GRIA4: variants seen among roughly 807,000 people sequenced by gnomAD.
The protein encoded by GRIA4 is glutamate receptor 4.
GRIA4 carries 34 observed loss-of-function variants against 104.0 expected under a neutral mutation model. That is an observed-to-expected ratio of 0.33 (90% CI 0.25 to 0.44). The LOEUF (loss-of-function observed/expected upper bound fraction) is 0.44, where lower values mean the gene tolerates loss of function less well. Among genes scored for constraint, GRIA4 ranks in the 20% least tolerant of loss-of-function variants. The pLI is 1.00. For missense variants in GRIA4, 750 were observed against 1,096.5 expected (o/e 0.68, Z 4.46); for synonymous variants, 386 against 381.9 (o/e 1.01, Z -0.13).
chr11:105,881,575 T>G (rs1042856395), intron 5 of GRIA4, among the ~76,000 whole-genome samples: 1 of 152,150 alleles, frequency 6.6e-6, no homozygotes, highest in Non-Finnish European at 1.5e-5. Flanking sequence ...AGATCACTAC[T>G]TTGAGAGGCA....
intron 4 of GRIA4, among the ~76,000 whole-genome samples, chr11:105,775,830 C>T (rs1941423068): frequency 6.6e-6 from 1 of 151,734 alleles, no homozygotes; most frequent in Admixed American, 6.6e-5. Flanking sequence ...AAATAAGTCC[C>T]CTCAAATATC....
At chr11:105,798,122 G>A (rs761894083) in intron 4 of GRIA4, among the ~76,000 whole-genome samples, 1 of 151,648 alleles carries the variant, frequency 6.6e-6, no homozygotes, top group Non-Finnish European at 1.5e-5. Flanking sequence ...ACATGCACAA[G>A]ACAACACTTC....
rs140414496 is a variant in GRIA4 at position 105,881,141 on chromosome 11, A to G, written c.673-6378A>G. Among the ~76,000 whole-genome samples, 436 of 152,282 alleles carry G rather than the reference A, an allele frequency of 2.9e-3. 3 individuals carry two copies. Among genetic ancestry groups the G allele is most frequent in the African/African-American group, 9.9e-3 (412 of 41,564 alleles). On this transcript the variant is annotated intron_variant, in intron 5 of 16. Coordinates refer to ENST00000282499, the MANE Select transcript of GRIA4 (RefSeq NM_000829.4). ...ATTCCATTTGGAATGAGTGTAAACT[A>G]ATTACTGGAGGAGGCTAGTGTAGAA... is the stretch of plus-strand genomic sequence containing the variant.
chr11:105,641,929 G>A (rs539690533), intron 3 of GRIA4, among the ~76,000 whole-genome samples: 50 of 152,254 alleles, frequency 3.3e-4, no homozygotes, highest in South Asian at 1.0e-3. Flanking sequence ...TCTGGAGGCC[G>A]AAAGTCTGAG....
At chr11:105,871,400 T>C (rs1292339941) in intron 5 of GRIA4, among the ~76,000 whole-genome samples, 1 of 151,752 alleles carries the variant, frequency 6.6e-6, no homozygotes, top group Non-Finnish European at 1.5e-5. Flanking sequence ...AAAAATTACA[T>C]ACCCACAGCA....
At chr11:105,760,471 G>T (rs943132004) in intron 4 of GRIA4, among the ~76,000 whole-genome samples, 2 of 152,056 alleles carry the variant, frequency 1.3e-5, no homozygotes, top group East Asian at 3.9e-4. Context: ...TTCTTGCAAT[G>T]TTGTTCCTTA....
chr11:105,923,289 T>C (rs1310866695), intron 11 of GRIA4, among the ~76,000 whole-genome samples: 1 of 152,168 alleles, frequency 6.6e-6, no homozygotes, highest in African/African-American at 2.4e-5. Flanking sequence ...CTACACTTGA[T>C]TTCATTTGAT....
At chr11:105,652,025 T>C (rs756544866) in intron 3 of GRIA4, among the ~76,000 whole-genome samples, 1 of 152,152 alleles carries the variant, frequency 6.6e-6, no homozygotes, top group Non-Finnish European at 1.5e-5. Context: ...TCTGATATTT[T>C]ACACTTATCA....
At chr11:105,692,113 G>T (rs879704559) in intron 3 of GRIA4, among the ~76,000 whole-genome samples, 7 of 151,918 alleles carry the variant, frequency 4.6e-5, no homozygotes, top group Non-Finnish European at 7.4e-5. Flanking sequence ...ATAAAAATTT[G>T]ATTGGATTGA....
intron 5 of GRIA4, among the ~76,000 whole-genome samples, chr11:105,886,846 A>T (rs1455600871): frequency 2.0e-5 from 3 of 151,656 alleles, no homozygotes; most frequent in Non-Finnish European, 4.4e-5. Flanking sequence ...GATCTCTAGA[A>T]TTTTTTTTAA....
intron 2 of GRIA4, among the ~76,000 whole-genome samples, chr11:105,611,669 A>G (rs752017256): frequency 6.6e-6 from 1 of 151,238 alleles, no homozygotes; most frequent in Non-Finnish European, 1.5e-5. Flanking sequence ...CTCTACCTCG[A>G]CTCTGTTTCC....
chr11:105,843,485 C>T (rs1944468171), intron 4 of GRIA4, among the ~76,000 whole-genome samples: 1 of 152,148 alleles, frequency 6.6e-6, no homozygotes, highest in Non-Finnish European at 1.5e-5. Context: ...GGAATAAAAT[C>T]CAATTGATAC....
intron 4 of GRIA4, among the ~76,000 whole-genome samples, chr11:105,755,280 A>G (rs1940236439): frequency 6.6e-6 from 1 of 152,174 alleles, no homozygotes. Flanking sequence ...GGTAACAGAA[A>G]AAGGAACAAA....
chr11:105,776,991 G>A (rs968991061), intron 4 of GRIA4, among the ~76,000 whole-genome samples: 1 of 152,164 alleles, frequency 6.6e-6, no homozygotes, highest in Admixed American at 6.6e-5. Flanking sequence ...GTGGTACCCA[G>A]TTTTATCCAG....
At chr11:105,949,484 T>C (rs1162889546) in intron 14 of GRIA4, among the ~76,000 whole-genome samples, 1 of 152,160 alleles carries the variant, frequency 6.6e-6, no homozygotes, top group Non-Finnish European at 1.5e-5. Flanking sequence ...AACACAGTTG[T>C]TACCCTCCAA....
At chr11:105,874,346 A>G (rs1945736221) in intron 5 of GRIA4, among the ~76,000 whole-genome samples, 1 of 152,198 alleles carries the variant, frequency 6.6e-6, no homozygotes, top group Admixed American at 6.5e-5. Context: ...TAAGTCAGGT[A>G]GTGTGATGCC....
intron 4 of GRIA4, among the ~76,000 whole-genome samples, chr11:105,781,677 A>G (rs1201083471): frequency 6.6e-6 from 1 of 152,116 alleles, no homozygotes; most frequent in East Asian, 1.9e-4. Context: ...AATTGAATTT[A>G]CAGTTCTTTT....
At chr11:105,855,962 A>G (rs1475353265) in intron 4 of GRIA4, among the ~76,000 whole-genome samples, 1 of 152,170 alleles carries the variant, frequency 6.6e-6, no homozygotes, top group South Asian at 2.1e-4. Flanking sequence ...AAAAAACCCT[A>G]AGAGTTCAAT....
intron 3 of GRIA4, among the ~76,000 whole-genome samples, chr11:105,691,589 G>A (rs1294329476): frequency 6.6e-6 from 1 of 152,138 alleles, no homozygotes; most frequent in Admixed American, 6.5e-5. Context: ...ATTTTGATGA[G>A]TAAATAAGTT....
Sources: gnomAD v4.1 joint callset for allele counts (sites outside exome capture counted in the v4.1 genomes callset) on GRCh38, gnomAD v4.1.1 for gene constraint, MANE v1.5 for transcripts, NCBI Gene and HGNC (gene_info 2026-07-23, HGNC 2026-07-21) for gene names.